Variants in SLC13A1 observed in about 807,000 individuals in gnomAD.
SLC13A1 encodes the protein Na(+)/sulfate cotransporter.
A neutral mutation model predicts 70.0 loss-of-function variants in SLC13A1; 65 were observed. The ratio of observed to expected loss-of-function variants is 0.93; its 90% CI spans 0.76 to 1.14. The LOEUF (loss-of-function observed/expected upper bound fraction) is 1.14. SLC13A1 is among the 50% of genes most tolerant of loss of function. The pLI is 0.00. For missense variants in SLC13A1, 726 were observed against 717.8 expected, an observed-to-expected ratio of 1.01 and a Z score of -0.13; for synonymous variants, 275 against 250.5, an observed-to-expected ratio of 1.10 and a Z score of -0.92.
chr7:123,159,818 T>C (rs1794825910), intron 6 of SLC13A1, among the ~76,000 whole-genome samples: 1 of 152,060 alleles, frequency 6.6e-6, no homozygotes, highest in Admixed American at 6.6e-5. Flanking sequence ...ATAAAACATG[T>C]CGGGTAGAGG....
intron 6 of SLC13A1, among the ~76,000 whole-genome samples, chr7:123,156,569 T>C (rs980303462): frequency 2.6e-5 from 4 of 152,124 alleles, no homozygotes; most frequent in Non-Finnish European, 5.9e-5. Context: ...AGTTTAAAGA[T>C]CCTCAGTTAA....
At chr7:123,192,535 A>C (rs1796027777) in intron 1 of SLC13A1, among the ~76,000 whole-genome samples, 1 of 152,148 alleles carries the variant, frequency 6.6e-6, no homozygotes, top group South Asian at 2.1e-4. Flanking sequence ...ATTAGGGAGT[A>C]ATTTGGCTGA....
chr7:123,174,001 A>T (rs375496078), intron 2 of SLC13A1, among the ~76,000 whole-genome samples: 1 of 124,238 alleles, frequency 8.0e-6, no homozygotes, highest in Non-Finnish European at 1.7e-5. Flanking sequence ...CTGGTTCTAT[A>T]CCTGCCTGTG....
intron 14 of SLC13A1, among the ~76,000 whole-genome samples, chr7:123,116,823 G>A (rs762642243): frequency 1.3e-5 from 2 of 152,136 alleles, no homozygotes; most frequent in Non-Finnish European, 2.9e-5. Flanking sequence ...TATCATTTGG[G>A]TTGGTTTGGA....
intron 7 of SLC13A1, among the ~76,000 whole-genome samples, chr7:123,138,076 C>A (rs1283500015): frequency 6.6e-6 from 1 of 152,078 alleles, no homozygotes; most frequent in Non-Finnish European, 1.5e-5. Context: ...CCCTATTATC[C>A]TTCCCAGTCT....
chr7:123,142,660 G>GTCTTACTCTATTGCCC (rs1554546351), intron 7 of SLC13A1, among the ~76,000 whole-genome samples: 1 of 132,690 alleles, frequency 7.5e-6, no homozygotes, highest in African/African-American at 2.9e-5. Flanking sequence ...TTTTTTGATG[G>GTCTTACTCTATTGCCC]AGGCTGGAGT....
At chr7:123,128,696 T>G (rs1793649798) in intron 10 of SLC13A1, 149 bp downstream of exon 10, 1 of 614,818 alleles carries the variant, frequency 1.6e-6, no homozygotes, top group Non-Finnish European at 2.9e-6. Flanking sequence ...CTTATAATTT[T>G]TTTCCTGAAA....
intron 6 of SLC13A1, among the ~76,000 whole-genome samples, chr7:123,147,762 G>T (rs1794414382): frequency 6.6e-6 from 1 of 152,130 alleles, no homozygotes; most frequent in South Asian, 2.1e-4. Context: ...CATCAATAGA[G>T]ATGTAGCAAT....
chr7:123,149,013 G>C (rs569048762), intron 6 of SLC13A1, among the ~76,000 whole-genome samples: 2 of 152,234 alleles, frequency 1.3e-5, no homozygotes, highest in South Asian at 4.2e-4. Context: ...AATTTTATGA[G>C]ATTTTATGAG....
chr7:123,123,663 C>A (rs1793463436), intron 11 of SLC13A1, among the ~76,000 whole-genome samples: 1 of 151,962 alleles, frequency 6.6e-6, no homozygotes, highest in South Asian at 2.1e-4. Context: ...TAATTATTAT[C>A]CATTAATATT....
At chr7:123,133,192 G>T (rs922191866) in intron 8 of SLC13A1, among the ~76,000 whole-genome samples, 2 of 152,152 alleles carry the variant, frequency 1.3e-5, no homozygotes, top group African/African-American at 2.4e-5. Context: ...GACTTGCAAT[G>T]ATCTCTTATC....
intron 1 of SLC13A1, among the ~76,000 whole-genome samples, chr7:123,196,969 C>T (rs1796207331): frequency 6.6e-6 from 1 of 152,076 alleles, no homozygotes; most frequent in South Asian, 2.1e-4. Flanking sequence ...GCATCAATTC[C>T]CTCAAATGTA....
At chr7:123,117,672 A>G in intron 13 of SLC13A1, 64 bp from the exon 14 acceptor site, 1 of 1,088,018 alleles carries the variant, frequency 9.2e-7, no homozygotes, top group Non-Finnish European at 1.3e-6. Context: ...ACATAAAAAA[A>G]AAAAAAGTAT....
At chr7:123,116,636 A>G (rs1436491756) in intron 14 of SLC13A1, among the ~76,000 whole-genome samples, 1 of 152,142 alleles carries the variant, frequency 6.6e-6, no homozygotes, top group Non-Finnish European at 1.5e-5. Context: ...GGCATTACTT[A>G]TATTCTATTA....
intron 8 of SLC13A1, among the ~76,000 whole-genome samples, chr7:123,134,150 TTCAAA>T (rs1343734165): frequency 6.6e-6 from 1 of 151,894 alleles, no homozygotes; most frequent in Non-Finnish European, 1.5e-5. Flanking sequence ...ACCTTGGCCT[TTCAAA>T]GTGCTGGGAT....
intron 6 of SLC13A1, among the ~76,000 whole-genome samples, chr7:123,163,021 G>C (rs931101327): frequency 6.6e-6 from 1 of 152,052 alleles, no homozygotes; most frequent in Admixed American, 6.6e-5. Context: ...TTTAGAAATT[G>C]AGCTGATGTA....
chr7:123,135,379 A>G (rs953665379), intron 7 of SLC13A1, among the ~76,000 whole-genome samples: 6 of 152,138 alleles, frequency 3.9e-5, no homozygotes, highest in Admixed American at 3.3e-4. Context: ...ATTACTATGG[A>G]GAAACAATAG....
intron 6 of SLC13A1, among the ~76,000 whole-genome samples, chr7:123,155,097 A>G (rs1021807926): frequency 1.3e-5 from 2 of 152,084 alleles, no homozygotes; most frequent in African/African-American, 4.8e-5. Flanking sequence ...TGAAAACTCA[A>G]AGATTTTAAA....
intron 7 of SLC13A1, 24 bp downstream of exon 7, chr7:123,147,135 C>T: frequency 6.2e-7 from 1 of 1,604,222 alleles, no homozygotes; most frequent in Non-Finnish European, 8.5e-7. Context: ...TATGTTAAAT[C>T]ACCAATCCAA....
Sources: gnomAD v4.1 joint callset for allele counts (sites outside exome capture counted in the v4.1 genomes callset) on GRCh38, gnomAD v4.1.1 for gene constraint, MANE v1.5 for transcripts, NCBI Gene and HGNC (gene_info 2026-07-23, HGNC 2026-07-21) for gene names.